The following LRFN4 variants were observed in gnomAD, a reference collection of about 807,000 sequenced individuals.
LRFN4 encodes the protein leucine rich repeat and fibronectin type III domain containing 4.
Under a neutral mutation model 29.0 loss-of-function variants are expected in LRFN4, and 10 were observed. That is an observed-to-expected ratio of 0.35 (90% confidence interval 0.21 to 0.59). The LOEUF (loss-of-function observed/expected upper bound fraction) is 0.59. Among genes scored for constraint, LRFN4 ranks in the 20% least tolerant of loss-of-function variants. LRFN4 has a pLI of 0.82. For synonymous variants in LRFN4, 493 were observed against 437.0 expected, an observed-to-expected ratio of 1.13 and a Z score of -1.60; for missense variants, 850 against 907.9, an observed-to-expected ratio of 0.94 and a Z score of 0.82.
At position 66,860,093 on chromosome 11, in the gene LRFN4, A is replaced by C. The variant is rs1158922511; in HGVS notation, c.1806A>C (p.Gly602=). The C allele has an allele frequency of 2.8e-5, 43 of 1,553,266 alleles. No individual in the cohort carries two copies. The highest frequency in any genetic ancestry group is 3.5e-5 in the Non-Finnish European group (40 of 1,149,088). The change falls in exon 2 of 2, where the codon GGA becomes GGC. Residue 602 remains glycine, a synonymous_variant. Coordinates refer to ENST00000309602, the MANE Select transcript of LRFN4 (RefSeq NM_024036.5). ...GCYGYARRLG[G]AWARRSHSVH... is the part of the protein sequence containing the mutation. ...ACGGTTATGCCAGGCGCCTGGGAGG[A>C]GCTTGGGCCCGACGGAGCCACTCTG... is the stretch of plus-strand genomic sequence containing the variant.
chr11:66,860,246 G>T lies in LRFN4; in HGVS notation c.*51G>T, dbSNP rs754892712. 4 of 1,537,480 alleles carry T rather than the reference G, an allele frequency of 2.6e-6. No individual in the cohort carries two copies. The Admixed American group carries it at 7.8e-5, about 30-fold the overall frequency. ...CAAGGGATGAGCCTCGTGGGGCAGA[G>T]GGCCCGGGGCCGCCGCCTGGCCTGG... On this transcript the variant is annotated 3_prime_UTR_variant, in exon 2 of 2. Transcript: ENST00000309602.
chr11:66,857,627 C>G lies in LRFN4; in HGVS notation c.-118C>G. 4 of 1,191,928 alleles carry G rather than the reference C, an allele frequency of 3.4e-6. No individual in the cohort carries two copies. In the South Asian group the frequency reaches 4.8e-5, roughly 14 times the overall value. The allele number at this position is 1,191,928 out of a possible 1,614,324, so 73.8% of individuals were successfully genotyped here. ...CGGCCCTCTTGGGCCTCTGACCCAG[C>G]CCCTCCCCGGGCCAGGCTCACAGAA... On this transcript the variant is annotated 5_prime_UTR_variant, in exon 1 of 2. Transcript: ENST00000309602. The surrounding 1 kb of genome is among the most constrained non-coding windows in gnomAD (Gnocchi z 7.1).
In LRFN4 at chr11:66,858,368, G is replaced by A. The variant is rs755206334; in HGVS notation, c.624G>A (p.Leu208=). 4 of 1,588,592 alleles carry A rather than the reference G, an allele frequency of 2.5e-6. No homozygotes were observed. In the East Asian group the frequency reaches 9.2e-5, roughly 36 times the overall value. ...LDLTSNRLAT[L]APDPLFSRGR... ...TCACCTCCAACCGCCTGGCCACGCT[G>A]GCTCCGGACCCGCTTTTCTCTCGTG... The change falls in exon 1 of 2, where the codon CTG becomes CTA. Residue 208 remains leucine (L), a synonymous_variant. Coordinates refer to ENST00000309602, the MANE Select transcript of LRFN4 (RefSeq NM_024036.5). The surrounding 1 kb of genome is among the most constrained non-coding windows in gnomAD (Gnocchi z 5.9).
At position 66,860,268 on chromosome 11, in the gene LRFN4, C is replaced by T. The variant is rs929420365; in HGVS notation, c.*73C>T. The T allele has an allele frequency of 5.9e-6, 9 of 1,526,862 alleles. No homozygotes were observed. In the African/African-American group the frequency reaches 1.1e-4, roughly 19 times the overall value. The allele number at this position is 1,526,862 out of a possible 1,614,324, so 94.6% of individuals were successfully genotyped here. On this transcript the variant is annotated 3_prime_UTR_variant, in exon 2 of 2. Coordinates refer to ENST00000309602, the MANE Select transcript of LRFN4 (RefSeq NM_024036.5). ...AGAGGGCCCGGGGCCGCCGCCTGGC[C>T]TGGGAGTCCCTCCCTGGTTTTTATT...
At position 66,859,632 on chromosome 11, in the gene LRFN4, T is replaced by A. The variant is rs779550031; in HGVS notation, c.1350-5T>A. 2 of 1,612,682 alleles carry A rather than the reference T, an allele frequency of 1.2e-6. No individual in the cohort carries two copies. The highest frequency in any genetic ancestry group is 1.7e-6 in the Non-Finnish European group (2 of 1,179,838). ...CGGGCTCTGACCACCTGCCCTTGCC[T>A]GCAGGATTGTCCCAGCCTCCAGCCA... On this transcript the variant is annotated splice_polypyrimidine_tract_variant and splice_region_variant and intron_variant, in intron 1 of 1. Transcript: ENST00000309602.
At position 66,858,395 on chromosome 11, in the gene LRFN4, G is replaced by T. The variant is rs550930114; in HGVS notation, c.651G>T (p.Gly217=). The part of the protein sequence containing the change: ...TLAPDPLFSR[G]RDAEASPAPL... ...CTCCGGACCCGCTTTTCTCTCGTGGGCGTGATGCAGAGGCCTCTCCCGCCC... is the reference window on the plus strand; with the variant it reads ...CTCCGGACCCGCTTTTCTCTCGTGGTCGTGATGCAGAGGCCTCTCCCGCCC... The change falls in exon 1 of 2, where the codon GGG becomes GGT. Residue 217 remains glycine (G), a synonymous_variant. Transcript: ENST00000309602. The surrounding 1 kb of genome is among the most constrained non-coding windows in gnomAD (Gnocchi z 5.9). 2 of 1,563,388 alleles carry T rather than the reference G, an allele frequency of 1.3e-6. No individual in the cohort carries two copies. Among genetic ancestry groups the T allele is most frequent in the South Asian group, 1.2e-5 (1 of 86,848 alleles).
At position 66,857,905 on chromosome 11, in the gene LRFN4, G is replaced by A; in HGVS notation, c.161G>A (p.Arg54Gln). Residue 54 changes from arginine to glutamine, a missense_variant, in exon 1 of 2, where the codon CGG becomes CAG. Around this residue, in one of 2 missense-constraint regions of LRFN4, gnomAD observed 106 missense variants for 154.2 expected, o/e 0.69. Transcript: ENST00000309602. The surrounding 1 kb of genome is among the most constrained non-coding windows in gnomAD (Gnocchi z 7.1). ...GTGGACCGGCGCACAGTGGAGCTGC[G>A]GCTGGCTGACAACTTCATCCAGGCC... ...PNVDRRTVEL[R>Q]LADNFIQALG... is the part of the protein sequence containing the mutation. 1 of 1,612,050 alleles carries A rather than the reference G, an allele frequency of 6.2e-7. No individual in the cohort carries two copies. The highest frequency in any genetic ancestry group is 8.5e-7 in the Non-Finnish European group (1 of 1,179,912).
chr11:66,859,314 C>T (rs1946095092), intron 1 of LRFN4, among the ~76,000 whole-genome samples: 2 of 152,194 alleles, frequency 1.3e-5, no homozygotes, highest in South Asian at 4.1e-4. Context: ...CGAGATGTCC[C>T]AGGTGTCACT....
At position 66,857,441 on chromosome 11, in the gene LRFN4, A is replaced by C; in HGVS notation, c.-304A>C. The C allele has an allele frequency of 3.0e-6, 1 of 338,702 alleles. No homozygotes were observed. The highest frequency in any genetic ancestry group is 5.3e-6 in the Non-Finnish European group (1 of 187,660). The allele number at this position is 338,702 out of a possible 1,614,324, so 21.0% of individuals were successfully genotyped here. A position where few individuals can be genotyped will look rare whatever the true frequency, so the allele number is the denominator to read the frequency against. ...TGGCGATTCCTGGGGACGCCTGGGAAAGGAAGTTCCGGGACCCTCCCTGCT... is the reference window on the plus strand; with the variant it reads ...TGGCGATTCCTGGGGACGCCTGGGACAGGAAGTTCCGGGACCCTCCCTGCT... On this transcript the variant is annotated 5_prime_UTR_variant, in exon 1 of 2. Coordinates refer to ENST00000309602, the MANE Select transcript of LRFN4 (RefSeq NM_024036.5). The surrounding 1 kb of genome is among the most constrained non-coding windows in gnomAD (Gnocchi z 7.1).
rs1203197877 is a variant in LRFN4, at chr11:66,858,430, T to C, written c.686T>C (p.Leu229Pro). Reference protein sequence around the residue: ...DAEASPAPLVLSFSGNPLHCN... With the variant: ...DAEASPAPLVPSFSGNPLHCN... ...GAGGCCTCTCCCGCCCCCCTGGTGCTGAGCTTTAGCGGGAACCCCCTGCAC... is the reference window on the plus strand; with the variant it reads ...GAGGCCTCTCCCGCCCCCCTGGTGCCGAGCTTTAGCGGGAACCCCCTGCAC... The change falls in exon 1 of 2, where the codon CTG becomes CCG. Residue 229 changes from leucine (L) to proline (P), a missense_variant. Physicochemically the swap from Leu to Pro is moderately conservative, Grantham distance 98. Around this residue, in one of 2 missense-constraint regions of LRFN4, gnomAD observed 744 missense variants for 753.8 expected, o/e 0.99. Coordinates refer to ENST00000309602, the MANE Select transcript of LRFN4 (RefSeq NM_024036.5). The surrounding 1 kb of genome is among the most constrained non-coding windows in gnomAD (Gnocchi z 5.9). 6.4e-7 allele frequency: 1 copy of C among 1,553,632 alleles called. No individual in the cohort carries two copies. The highest frequency in any genetic ancestry group is 8.7e-7 in the Non-Finnish European group (1 of 1,155,572).
In LRFN4 at chr11:66,860,169, G is replaced by A. The variant is rs1230803568; in HGVS notation, c.1882G>A (p.Glu628Lys). The part of the protein sequence containing the change: ...AGCRGVGGSA[E>K]RLEESVV Reference sequence around the variant, plus strand: ...GTGCCGGGGGGTAGGAGGCAGCGCCGAGCGGCTGGAAGAGAGTGTGGTGTG... The same window carrying A: ...GTGCCGGGGGGTAGGAGGCAGCGCCAAGCGGCTGGAAGAGAGTGTGGTGTG... The change falls in exon 2 of 2, where the codon GAG (glutamate) becomes AAG (lysine). Residue 628 changes from glutamate to lysine, a missense_variant. Physicochemically the swap from Glu to Lys is moderately conservative, Grantham distance 56. Transcript: ENST00000309602. 1 of 1,546,976 alleles carries A rather than the reference G, an allele frequency of 6.5e-7. No individual in the cohort carries two copies. The highest frequency in any genetic ancestry group is 8.7e-7 in the Non-Finnish European group (1 of 1,147,560).
At position 66,859,625 on chromosome 11, in the gene LRFN4, C is replaced by T. The variant is rs745554440; in HGVS notation, c.1350-12C>T. On this transcript the variant is annotated splice_polypyrimidine_tract_variant and intron_variant, in intron 1 of 1. Transcript: ENST00000309602. ...CCAGCCCCGGGCTCTGACCACCTGC[C>T]CTTGCCTGCAGGATTGTCCCAGCCT... 1.2e-5 allele frequency: 20 copies of T among 1,612,532 alleles called. No homozygotes were observed. Among genetic ancestry groups the T allele is most frequent in the Admixed American group, 1.7e-5 (1 of 59,980 alleles).
Position 66,860,348 on chromosome 11 carries a change from G to T in LRFN4, c.*153G>T. On this transcript the variant is annotated 3_prime_UTR_variant, in exon 2 of 2. Transcript: ENST00000309602. ...GGAGGGGCAGGGAGCCCTTTCCTCGGTTCTGGCCTCCAGACCAGGGTAAGG... is the reference window on the plus strand; with the variant it reads ...GGAGGGGCAGGGAGCCCTTTCCTCGTTTCTGGCCTCCAGACCAGGGTAAGG... 1.7e-6 allele frequency: 2 copies of T among 1,178,096 alleles called. No individual in the cohort carries two copies. The highest frequency in any genetic ancestry group is 2.4e-6 in the Non-Finnish European group (2 of 819,998). The allele number at this position is 1,178,096 out of a possible 1,614,324, so 73.0% of individuals were successfully genotyped here. A position where few individuals can be genotyped will look rare whatever the true frequency, so the allele number is the denominator to read the frequency against.
In LRFN4 at chr11:66,859,037, A is replaced by T. The variant is rs1322888809; in HGVS notation, c.1293A>T (p.Pro431=). The change falls in exon 1 of 2, where the codon CCA becomes CCT. Residue 431 remains proline, a synonymous_variant. Coordinates refer to ENST00000309602, the MANE Select transcript of LRFN4 (RefSeq NM_024036.5). ...GGGGTCCCGGGCGGCCAGCCGACCC[A>T]GTGTGGATGTTCCAAATCCAGTACA... ...VSWGPGRPAD[P]VWMFQIQYNS... 6.0e-6 allele frequency: 9 copies of T among 1,506,754 alleles called. No individual in the cohort carries two copies. Among genetic ancestry groups the T allele is most frequent in the Non-Finnish European group, 8.0e-6 (9 of 1,127,930 alleles). The allele number at this position is 1,506,754 out of a possible 1,614,324, so 93.3% of individuals were successfully genotyped here.
chr11:66,860,154 G>C lies in LRFN4; in HGVS notation c.1867G>C (p.Val623Leu). ...GGLLGAGCRG[V>L]GGSAERLEES... ...GCTGCTCGGGGCAGGGTGCCGGGGGGTAGGAGGCAGCGCCGAGCGGCTGGA... is the reference window on the plus strand; with the variant it reads ...GCTGCTCGGGGCAGGGTGCCGGGGGCTAGGAGGCAGCGCCGAGCGGCTGGA... The change falls in exon 2 of 2, where the codon GTA becomes CTA. Residue 623 changes from valine (V) to leucine (L), a missense_variant. This residue lies in a region of LRFN4 where 744 missense variants were observed against 753.8 expected (regional missense o/e 0.99). Transcript: ENST00000309602. 6.5e-7 allele frequency: 1 copy of C among 1,548,792 alleles called. No individual in the cohort carries two copies. Among genetic ancestry groups the C allele is most frequent in the Non-Finnish European group, 8.7e-7 (1 of 1,147,600 alleles).
Position 66,857,679 on chromosome 11 carries a change from C to T in LRFN4, c.-66C>T, listed in dbSNP as rs568364199. The T allele has an allele frequency of 1.3e-6, 2 of 1,509,058 alleles. No homozygotes were observed. Among genetic ancestry groups the T allele is most frequent in the South Asian group, 1.3e-5 (1 of 79,034 alleles). The allele number at this position is 1,509,058 out of a possible 1,614,324, so 93.5% of individuals were successfully genotyped here. ...CTGGCTTCTGGGACTGTCCTGGGCC[C>T]AAGTGGGCACCTGCGCCAGCCCCAC... On this transcript the variant is annotated 5_prime_UTR_variant, in exon 1 of 2. Coordinates refer to ENST00000309602, the MANE Select transcript of LRFN4 (RefSeq NM_024036.5). This position sits in a 1 kb window ranked among gnomAD's most constrained non-coding sequence, Gnocchi z 7.1.
chr11:66,859,223 AC>A (rs1469762316), intron 1 of LRFN4, 130 bp downstream of exon 1: 1 of 1,224,648 alleles, frequency 8.2e-7, no homozygotes, highest in Non-Finnish European at 1.1e-6. Flanking sequence ...TGGCTGCTGG[AC>A]TCTTGGAGGA....
rs965801825 is a variant in LRFN4, at chr11:66,858,624, G to C, written c.880G>C (p.Glu294Gln). Reference protein sequence around the residue: ...ARHTQRLWVLEGQRATLRCRA... With the variant: ...ARHTQRLWVLQGQRATLRCRA... ...CCACACGCAGCGCCTCTGGGTGCTG[G>C]AAGGCCAGCGGGCCACGCTGCGGTG... The change falls in exon 1 of 2, where the codon GAA (glutamate) becomes CAA (glutamine). Residue 294 changes from glutamate (E) to glutamine (Q), a missense_variant. This residue lies in a region of LRFN4 where 744 missense variants were observed against 753.8 expected (regional missense o/e 0.99). Coordinates refer to ENST00000309602, the MANE Select transcript of LRFN4 (RefSeq NM_024036.5). This position sits in a 1 kb window ranked among gnomAD's most constrained non-coding sequence, Gnocchi z 5.9. 28 of 1,536,754 alleles carry C rather than the reference G, an allele frequency of 1.8e-5. No individual in the cohort carries two copies. Among genetic ancestry groups the C allele is most frequent in the Admixed American group, 5.9e-5 (3 of 50,924 alleles).
rs151122985 is a variant in LRFN4 at position 66,859,680 on chromosome 11, G to A, written c.1393G>A (p.Val465Ile). 55 of 1,612,864 alleles carry A rather than the reference G, an allele frequency of 3.4e-5. No individual in the cohort carries two copies. The highest frequency in any genetic ancestry group is 3.3e-4 in the Middle Eastern group (2 of 6,082). Residue 465 changes from valine to isoleucine, a missense_variant, in exon 2 of 2, where the codon GTC (valine) becomes ATC (isoleucine). Val to Ile is a conservative substitution (Grantham distance 29, BLOSUM62 3). This residue lies in a region of LRFN4 where 744 missense variants were observed against 753.8 expected (regional missense o/e 0.99). Transcript: ENST00000309602. ...CCACCACTTCCTGCTGAAGCACCTC[G>A]TCCCCGGCGCTGACTATGACCTCTG... is the stretch of plus-strand genomic sequence containing the variant. ...SSHHFLLKHL[V>I]PGADYDLCLL...
Sources: gnomAD v4.1 joint callset for allele counts (sites outside exome capture counted in the v4.1 genomes callset) on GRCh38, gnomAD v4.1.1 for gene constraint, gnomAD v4.1.1 regional missense constraint, Gnocchi (gnomAD v3.1) non-coding constraint, MANE v1.5 for transcripts, NCBI Gene and HGNC (gene_info 2026-07-23, HGNC 2026-07-21) for gene names.